Variants in GPHN observed in about 807,000 individuals in gnomAD.
The protein encoded by GPHN is gephyrin.
In GPHN, 17 loss-of-function variants were observed where a neutral mutation model predicts 95.5. The observed-to-expected ratio is 0.18, with a 90% confidence interval of 0.12 to 0.27. The LOEUF is 0.27. Ranked by LOEUF, GPHN falls within the 10% of genes least tolerant of loss-of-function variation. The pLI is 1.00. For missense variants in GPHN, 660 were observed against 978.1 expected (o/e 0.67, Z 4.34); for synonymous variants, 320 against 322.5 (o/e 0.99, Z 0.08).
chr14:66,660,842 C>T (rs980398288), intron 1 of GPHN, among the ~76,000 whole-genome samples: 58 of 152,222 alleles, frequency 3.8e-4, no homozygotes, highest in African/African-American at 1.3e-3. Context: ...AACATGGATA[C>T]AAGAGAACCT....
At chr14:66,955,253 A>C (rs1449883791) in intron 8 of GPHN, among the ~76,000 whole-genome samples, 1 of 152,138 alleles carries the variant, frequency 6.6e-6, no homozygotes, top group Non-Finnish European at 1.5e-5. Context: ...TTCCTTGTTG[A>C]AAGTATTTTT....
the GPHN span, among the ~76,000 whole-genome samples, chr14:67,521,081 A>C: frequency 6.6e-6 from 1 of 152,222 alleles, no homozygotes; most frequent in African/African-American, 2.4e-5. Context: ...AGAAACAGGT[A>C]AGCCTCAAGA....
the GPHN span, chr14:67,724,502 C>G: frequency 1.9e-6 from 3 of 1,595,556 alleles, no homozygotes; most frequent in Non-Finnish European, 2.6e-6. Context: ...GTGTGTAGAA[C>G]AAATGTGCAG....
At chr14:67,614,722 A>G in the GPHN span, among the ~76,000 whole-genome samples, 1 of 152,144 alleles carries the variant, frequency 6.6e-6, no homozygotes, top group Non-Finnish European at 1.5e-5. Context: ...TGATTGTGCC[A>G]CTGTACTCCA....
At chr14:66,940,248 C>T (rs969962976) in intron 8 of GPHN, among the ~76,000 whole-genome samples, 3 of 149,532 alleles carry the variant, frequency 2.0e-5, no homozygotes, top group South Asian at 4.2e-4. Context: ...AAAAAGAAGG[C>T]GTTTTGTTGT....
the GPHN span, among the ~76,000 whole-genome samples, chr14:67,196,574 C>A: frequency 7.9e-5 from 12 of 152,122 alleles, no homozygotes; most frequent in Admixed American, 6.5e-5. Context: ...TTCAGGTAAT[C>A]GTAAGGAGCA....
intron 1 of GPHN, among the ~76,000 whole-genome samples, chr14:66,601,697 C>A (rs939213084): frequency 6.6e-6 from 1 of 151,712 alleles, no homozygotes; most frequent in South Asian, 2.1e-4. Context: ...AATAGATTGA[C>A]ATTTGTGCAA....
intron 5 of GPHN, among the ~76,000 whole-genome samples, chr14:66,881,711 G>C (rs142223356): frequency 6.6e-6 from 1 of 151,928 alleles, no homozygotes; most frequent in East Asian, 1.9e-4. Context: ...AGGTTTTCCT[G>C]AATTAATTTT....
At chr14:67,228,555 C>T in the GPHN span, 1 of 152,290 alleles carries the variant, frequency 6.6e-6, no homozygotes, top group African/African-American at 2.4e-5. Flanking sequence ...ATTACGAATT[C>T]AAATCCATGT....
chr14:66,832,414 C>A (rs1406540116), intron 4 of GPHN, among the ~76,000 whole-genome samples: 1 of 152,160 alleles, frequency 6.6e-6, no homozygotes, highest in African/African-American at 2.4e-5. Context: ...ACTTTTGCTA[C>A]TAACCATTGT....
the GPHN span, among the ~76,000 whole-genome samples, chr14:67,693,517 G>GA: frequency 0.042 from 6,104 of 145,864 alleles, 302 homozygotes; most frequent in African/African-American, 0.12. Context: ...AAATAAACAA[G>GA]AAAAAAAAAA....
In GPHN at chr14:66,778,597, A is replaced by T. The variant is rs1297494941; in HGVS notation, c.201+2076A>T. 3.3e-5 allele frequency among the ~76,000 whole-genome samples: 5 copies of T among 152,238 alleles called. No homozygotes were observed. In the East Asian group the frequency reaches 9.6e-4, roughly 29 times the overall value. ...AAATTGTTAACAATGACATGTAAAGATCTCAACAAATCACTAAGCTTGATT... is the reference window on the plus strand; with the variant it reads ...AAATTGTTAACAATGACATGTAAAGTTCTCAACAAATCACTAAGCTTGATT... On this transcript the variant is annotated intron_variant, in intron 3 of 22. Transcript: ENST00000478722.
At chr14:67,008,885 C>T (rs1244825158) in intron 9 of GPHN, among the ~76,000 whole-genome samples, 1 of 152,104 alleles carries the variant, frequency 6.6e-6, no homozygotes, top group Non-Finnish European at 1.5e-5. Flanking sequence ...TGATTACTGC[C>T]TATTGACTTA....
chr14:66,912,482 C>A (rs1408209896), intron 5 of GPHN, among the ~76,000 whole-genome samples: 1 of 152,022 alleles, frequency 6.6e-6, no homozygotes, highest in African/African-American at 2.4e-5. Context: ...TAAACAAAAA[C>A]AATGCGCTAT....
chr14:67,024,176 T>C (rs2073809997), intron 10 of GPHN, among the ~76,000 whole-genome samples: 2 of 152,174 alleles, frequency 1.3e-5, no homozygotes, highest in South Asian at 4.1e-4. Flanking sequence ...AATTTATTTA[T>C]TGGTTTGATC....
chr14:67,242,924 G>A, the GPHN span, among the ~76,000 whole-genome samples: 3 of 152,118 alleles, frequency 2.0e-5, no homozygotes. Flanking sequence ...ACTTGAGGGT[G>A]ACCCAAGTCA....
the GPHN span, among the ~76,000 whole-genome samples, chr14:67,196,177 A>T: frequency 2.0e-5 from 3 of 150,518 alleles, no homozygotes; most frequent in Non-Finnish European, 4.4e-5. Context: ...GACAAGTTTC[A>T]TACTGGAGCT....
chr14:66,970,627 G>A (rs1446202978), intron 9 of GPHN, among the ~76,000 whole-genome samples: 1 of 152,208 alleles, frequency 6.6e-6, no homozygotes, highest in Middle Eastern at 3.4e-3. Context: ...AACTGGTGAC[G>A]GCAAATTATT....
chr14:67,047,512 C>T (rs1033018653), intron 10 of GPHN, among the ~76,000 whole-genome samples: 8 of 151,714 alleles, frequency 5.3e-5, no homozygotes, highest in Non-Finnish European at 1.2e-4. Flanking sequence ...ACTACAGGCT[C>T]CTGACACCAT....
Sources: allele counts gnomAD v4.1 joint callset (sites outside exome capture counted in the v4.1 genomes callset), GRCh38; gene constraint gnomAD v4.1.1; transcripts MANE v1.5; gene names NCBI Gene and HGNC (gene_info 2026-07-23, HGNC 2026-07-21).